Variants in GALNTL6 observed in about 807,000 individuals in gnomAD.
GALNTL6 encodes polypeptide N-acetylgalactosaminyltransferase like 6.
A neutral mutation model predicts 73.7 loss-of-function variants in GALNTL6; 46 were observed. The ratio of observed to expected loss-of-function variants is 0.62; its 90% CI spans 0.49 to 0.80. GALNTL6 has a LOEUF of 0.80. Among genes scored for constraint, GALNTL6 ranks in the 30% least tolerant of loss-of-function variants. The pLI, the probability that GALNTL6 is intolerant of heterozygous loss-of-function variation, is 0.00. For missense variants in GALNTL6, 604 were observed against 755.0 expected (o/e 0.80, Z 2.34); for synonymous variants, 259 against 263.7 (o/e 0.98, Z 0.17).
chr4:171,859,644 T>C (rs1188952802), intron 2 of GALNTL6, among the ~76,000 whole-genome samples: 1 of 152,146 alleles, frequency 6.6e-6, no homozygotes, highest in Non-Finnish European at 1.5e-5. Flanking sequence ...TAGGCAGAGA[T>C]AGTAGAGTTG....
chr4:172,382,119 C>A (rs1743304989), intron 5 of GALNTL6, among the ~76,000 whole-genome samples: 1 of 152,134 alleles, frequency 6.6e-6, no homozygotes, highest in Non-Finnish European at 1.5e-5. Flanking sequence ...ACAGGCCAAT[C>A]ACCATGCCTG....
intron 7 of GALNTL6, among the ~76,000 whole-genome samples, chr4:172,881,277 A>C (rs981241736): frequency 2.0e-5 from 3 of 152,222 alleles, no homozygotes; most frequent in Non-Finnish European, 4.4e-5. Context: ...GGAAAAGATC[A>C]GGCTGCTAGA....
chr4:171,910,248 A>C (rs1375917138), intron 2 of GALNTL6, among the ~76,000 whole-genome samples: 2 of 152,074 alleles, frequency 1.3e-5, no homozygotes, highest in East Asian at 3.9e-4. Context: ...CTTTTTAATA[A>C]TCTGAATTGC....
At position 172,421,423 on chromosome 4, in the gene GALNTL6, T is replaced by G. The variant is rs531873546; in HGVS notation, c.553+72734T>G. 3.9e-4 allele frequency among the ~76,000 whole-genome samples: 60 copies of G among 152,124 alleles called. 1 individual carries two copies. The South Asian group carries it at 0.012, about 31-fold the overall frequency. On this transcript the variant is annotated intron_variant, in intron 5 of 12. Transcript: ENST00000506823. ...TGTGTGCTATAATATGCTGGATACT[T>G]GATCACATAAATAAAATTGTATTGT...
intron 3 of GALNTL6, among the ~76,000 whole-genome samples, chr4:172,281,260 G>GTTT (rs1739044666): frequency 6.6e-6 from 1 of 152,178 alleles, no homozygotes; most frequent in African/African-American, 2.4e-5. Flanking sequence ...CATTTCATCT[G>GTTT]AAGGCTCTAG....
intron 5 of GALNTL6, among the ~76,000 whole-genome samples, chr4:172,517,194 T>C (rs776020913): frequency 6.6e-6 from 1 of 152,176 alleles, no homozygotes; most frequent in African/African-American, 2.4e-5. Context: ...ATTTTAACAA[T>C]ATAATTTTTT....
chr4:172,213,213 A>C (rs1164307362), intron 2 of GALNTL6, among the ~76,000 whole-genome samples: 1 of 152,064 alleles, frequency 6.6e-6, no homozygotes, highest in Non-Finnish European at 1.5e-5. Context: ...AGTTGCTTGC[A>C]GTTTGTGGGG....
rs551563630 is a variant in GALNTL6 at position 172,658,176 on chromosome 4, T to C, written c.554-151185T>C. On this transcript the variant is annotated intron_variant, in intron 5 of 12. Coordinates refer to ENST00000506823, the MANE Select transcript of GALNTL6 (RefSeq NM_001034845.3). ...AAAAAAAAAAAAAAAAAAAGAAATA[T>C]CTTTGTGGGGCCGGGTGCAGTGGCT... is the stretch of plus-strand genomic sequence containing the variant. 2.8e-3 allele frequency among the ~76,000 whole-genome samples: 174 copies of C among 61,586 alleles called. 1 individual carries two copies. Among genetic ancestry groups the C allele is most frequent in the African/African-American group, 9.2e-3 (155 of 16,766 alleles). The allele number at this position is 61,586 out of a possible 152,430, so 40.4% of individuals were successfully genotyped here. A position where few individuals can be genotyped will look rare whatever the true frequency, so the allele number is the denominator to read the frequency against.
At chr4:172,005,942 T>G (rs2110769001) in intron 2 of GALNTL6, among the ~76,000 whole-genome samples, 1 of 152,328 alleles carries the variant, frequency 6.6e-6, no homozygotes. Context: ...CTTTTTGTCA[T>G]AAGATGCACA....
intron 12 of GALNTL6, among the ~76,000 whole-genome samples, chr4:173,025,659 T>C (rs902516126): frequency 6.6e-6 from 1 of 152,196 alleles, no homozygotes; most frequent in Non-Finnish European, 1.5e-5. Flanking sequence ...ATGACTTCAT[T>C]TGGTTTCTCA....
rs547593419 is a variant in GALNTL6 at position 172,532,811 on chromosome 4, G to A, written c.553+184122G>A. On this transcript the variant is annotated intron_variant, in intron 5 of 12. Coordinates refer to ENST00000506823, the MANE Select transcript of GALNTL6 (RefSeq NM_001034845.3). The stretch of plus-strand genomic sequence containing the variant: ...TTTTGGCATCTTATTTACACCACAA[G>A]TGGCAGAGTGGTTAATTGCACTAGA... Among the ~76,000 whole-genome samples, 43 of 152,198 alleles carry A rather than the reference G, an allele frequency of 2.8e-4. 1 individual carries two copies. In the South Asian group the frequency reaches 8.7e-3, roughly 31 times the overall value.
At chr4:172,873,813 T>A (rs1396509360) in intron 7 of GALNTL6, among the ~76,000 whole-genome samples, 1 of 152,206 alleles carries the variant, frequency 6.6e-6, no homozygotes, top group African/African-American at 2.4e-5. Context: ...AAACGTACAG[T>A]ATAAATTTAT....
chr4:172,175,032 C>T (rs17058106), intron 2 of GALNTL6, among the ~76,000 whole-genome samples: 53,781 of 151,640 alleles, frequency 0.35, 9,714 homozygotes, highest in Middle Eastern at 0.39. Context: ...TAAGAGAGTG[C>T]AAACTGGCAT....
At chr4:172,979,174 A>C (rs1213439707) in intron 10 of GALNTL6, among the ~76,000 whole-genome samples, 1 of 152,198 alleles carries the variant, frequency 6.6e-6, no homozygotes, top group East Asian at 1.9e-4. Flanking sequence ...GGGGTTTTTT[A>C]ATGGCCCCTG....
intron 2 of GALNTL6, among the ~76,000 whole-genome samples, chr4:171,939,083 A>G (rs1437469063): frequency 2.0e-5 from 1 of 50,146 alleles, no homozygotes; most frequent in Non-Finnish European, 3.9e-5. Flanking sequence ...AAAAACAGAT[A>G]TTTAAAATGG....
chr4:172,128,666 C>G (rs1166741260), intron 2 of GALNTL6, among the ~76,000 whole-genome samples: 2 of 152,058 alleles, frequency 1.3e-5, no homozygotes, highest in Non-Finnish European at 2.9e-5. Context: ...TGTTAAATTT[C>G]TAAATATTTA....
At chr4:172,924,753 A>T (rs184224015) in intron 8 of GALNTL6, among the ~76,000 whole-genome samples, 2 of 152,344 alleles carry the variant, frequency 1.3e-5, no homozygotes, top group African/African-American at 4.8e-5. Context: ...GGCAAAGACC[A>T]GATCCTGCAA....
intron 5 of GALNTL6, among the ~76,000 whole-genome samples, chr4:172,703,105 A>T (rs955736888): frequency 2.7e-4 from 41 of 152,058 alleles, no homozygotes; most frequent in Non-Finnish European, 1.3e-4. Context: ...AACCAATAAA[A>T]TGGTAAAAGT....
intron 2 of GALNTL6, among the ~76,000 whole-genome samples, chr4:171,886,258 A>G (rs1736604526): frequency 6.6e-6 from 1 of 152,210 alleles, no homozygotes; most frequent in Non-Finnish European, 1.5e-5. Flanking sequence ...ATTTTAGAAC[A>G]TGATAAATTA....
Sources: gnomAD v4.1 joint callset for allele counts (sites outside exome capture counted in the v4.1 genomes callset) on GRCh38, gnomAD v4.1.1 for gene constraint, MANE v1.5 for transcripts, NCBI Gene and HGNC (gene_info 2026-07-23, HGNC 2026-07-21) for gene names.